Variants in TRMT11 observed in about 807,000 individuals in gnomAD.
TRMT11 encodes the protein tRNA methyltransferase 11, also known as tRNA (guanine(10)-N(2))-methyltransferase TRMT11.
TRMT11 carries 53 observed loss-of-function variants against 62.8 expected under a neutral mutation model. The observed-to-expected ratio is 0.84, with a 90% CI of 0.68 to 1.06. TRMT11 has a LOEUF of 1.06. TRMT11 is among the 50% of genes least tolerant of loss of function. The pLI, the probability that TRMT11 is intolerant of heterozygous loss-of-function variation, is 0.00. For synonymous variants in TRMT11, 188 were observed against 190.3 expected (o/e 0.99, Z 0.10); for missense variants, 556 against 553.4 (o/e 1.00, Z -0.05).
At chr6:126,042,721 C>T (rs1266764877), downstream of TRMT11, among the ~76,000 whole-genome samples, 1 of 152,110 alleles carries the variant, frequency 6.6e-6, no homozygotes, top group Non-Finnish European at 1.5e-5. Context: ...TTTTGGCTAA[C>T]ATGCAGCAGT....
At chr6:126,031,645 G>C (rs552177800) in intron 12 of TRMT11, among the ~76,000 whole-genome samples, 10 of 152,284 alleles carry the variant, frequency 6.6e-5, no homozygotes, top group African/African-American at 2.4e-4. Flanking sequence ...CTTCAGTGTA[G>C]CTGGAAATAC....
intron 21 of TRMT11, among the ~76,000 whole-genome samples, chr6:126,137,310 A>G (rs1054473420): frequency 2.6e-5 from 4 of 151,848 alleles, no homozygotes; most frequent in African/African-American, 4.8e-5. Context: ...GCTAGCAAGC[A>G]AGAAAAAAAA....
At chr6:126,028,184 C>T (rs1391524879) in intron 12 of TRMT11, among the ~76,000 whole-genome samples, 1 of 152,074 alleles carries the variant, frequency 6.6e-6, no homozygotes, top group Non-Finnish European at 1.5e-5. Flanking sequence ...CCTGTCTCTT[C>T]CCAAAACTGT....
the TRMT11 span, among the ~76,000 whole-genome samples, chr6:126,237,946 G>A: frequency 6.6e-6 from 1 of 152,170 alleles, no homozygotes; most frequent in African/African-American, 2.4e-5. Context: ...TTGGGAGGGT[G>A]TATGTGTCGA....
chr6:126,247,565 A>AAT, the TRMT11 span, among the ~76,000 whole-genome samples: 105 of 146,694 alleles, frequency 7.2e-4, no homozygotes, highest in South Asian at 1.5e-3. Flanking sequence ...TAAATATATA[A>AAT]ATATATATAT....
chr6:126,236,481 G>A, the TRMT11 span, among the ~76,000 whole-genome samples: 1 of 151,994 alleles, frequency 6.6e-6, no homozygotes, highest in Non-Finnish European at 1.5e-5. Context: ...TGTCTATCTT[G>A]TATTGATCTT....
intron 21 of TRMT11, among the ~76,000 whole-genome samples, chr6:126,164,772 T>A (rs949653461): frequency 6.6e-6 from 1 of 152,206 alleles, no homozygotes; most frequent in Non-Finnish European, 1.5e-5. Flanking sequence ...TGGTTTAAAG[T>A]CTGTTTTATC....
downstream of TRMT11, among the ~76,000 whole-genome samples, chr6:126,042,722 A>G (rs1205113443): frequency 6.6e-6 from 1 of 152,214 alleles, no homozygotes; most frequent in Non-Finnish European, 1.5e-5. Context: ...TTTGGCTAAC[A>G]TGCAGCAGTG....
intron 21 of TRMT11, among the ~76,000 whole-genome samples, chr6:126,170,327 T>G (rs1583897493): frequency 6.6e-6 from 1 of 152,170 alleles, no homozygotes; most frequent in East Asian, 1.9e-4. Flanking sequence ...CTCTCCCTAG[T>G]TTATTTACAC....
chr6:126,263,309 C>G, the TRMT11 span, among the ~76,000 whole-genome samples: 1 of 152,142 alleles, frequency 6.6e-6, no homozygotes, highest in Admixed American at 6.5e-5. Context: ...ATGCCTCTGC[C>G]ATAGAATTAG....
intron 17 of TRMT11, among the ~76,000 whole-genome samples, chr6:126,091,030 C>T (rs1336339997): frequency 6.6e-6 from 1 of 151,960 alleles, no homozygotes; most frequent in Non-Finnish European, 1.5e-5. Context: ...GTCAACATGG[C>T]GAAACCCAGT....
the TRMT11 span, among the ~76,000 whole-genome samples, chr6:126,231,404 T>A: frequency 6.6e-6 from 1 of 152,180 alleles, no homozygotes; most frequent in Non-Finnish European, 1.5e-5. Context: ...ATTTTTAGTA[T>A]TGAAAAAATT....
At chr6:126,026,698 A>T (rs1284273553) in intron 12 of TRMT11, among the ~76,000 whole-genome samples, 1 of 149,872 alleles carries the variant, frequency 6.7e-6, no homozygotes, top group Non-Finnish European at 1.5e-5. Context: ...AAAGGTAAAT[A>T]TTCTTGAGTG....
intron 17 of TRMT11, among the ~76,000 whole-genome samples, chr6:126,060,505 ACT>A (rs923430785): frequency 5.3e-4 from 80 of 152,020 alleles, no homozygotes; most frequent in African/African-American, 1.8e-3. Context: ...AGCCCTGTTG[ACT>A]CTGCCCTCTC....
At chr6:126,094,112 C>T (rs1387171609) in intron 17 of TRMT11, among the ~76,000 whole-genome samples, 2 of 152,056 alleles carry the variant, frequency 1.3e-5, no homozygotes, top group South Asian at 2.1e-4. Context: ...CACACACACA[C>T]ACACCCCAAA....
chr6:126,196,591 T>C (rs939410658), intron 1 of TRMT11, among the ~76,000 whole-genome samples: 7 of 152,012 alleles, frequency 4.6e-5, no homozygotes, highest in African/African-American at 1.7e-4. Context: ...TTTATGATAC[T>C]AGAAAATTAA....
chr6:126,236,978 C>T, the TRMT11 span, among the ~76,000 whole-genome samples: 2 of 152,072 alleles, frequency 1.3e-5, no homozygotes, highest in African/African-American at 4.8e-5. Context: ...AATCTTTCTG[C>T]TTCCATCTAA....
At chr6:126,248,981 T>G in the TRMT11 span, among the ~76,000 whole-genome samples, 1 of 152,152 alleles carries the variant, frequency 6.6e-6, no homozygotes, top group Admixed American at 6.6e-5. Context: ...TCTTTTGTAA[T>G]CTATCCAAGG....
intron 12 of TRMT11, among the ~76,000 whole-genome samples, chr6:126,033,461 A>T (rs1247615888): frequency 1.3e-5 from 2 of 152,120 alleles, no homozygotes; most frequent in East Asian, 3.9e-4. Context: ...ACATAGATTG[A>T]CTTGAATAAG....
Sources: allele counts gnomAD v4.1 joint callset (sites outside exome capture counted in the v4.1 genomes callset), GRCh38; gene constraint gnomAD v4.1.1; transcripts MANE v1.5; gene names NCBI Gene and HGNC (gene_info 2026-07-23, HGNC 2026-07-21).